PCBP3: variants seen among roughly 807,000 people sequenced by gnomAD.
PCBP3 encodes poly(rC) binding protein 3.
Under a neutral mutation model 52.7 loss-of-function variants are expected in PCBP3, and 25 were observed. That is an observed-to-expected ratio of 0.47 (90% CI 0.35 to 0.66). The LOEUF is 0.66. Ranked by LOEUF, PCBP3 falls within the 30% of genes least tolerant of loss-of-function variation. The pLI is 0.01. For missense variants in PCBP3, 391 were observed against 490.3 expected (o/e 0.80, Z 1.91); for synonymous variants, 162 against 183.0 (o/e 0.89, Z 0.93).
At chr21:45,922,331 A>C (rs1258512512) in intron 13 of PCBP3, among the ~76,000 whole-genome samples, 1 of 152,156 alleles carries the variant, frequency 6.6e-6, no homozygotes, top group Admixed American at 6.5e-5. Context: ...AGATGGGAGG[A>C]TTGCTTGAGC....
intron 4 of PCBP3, among the ~76,000 whole-genome samples, chr21:45,766,071 G>A (rs1169682860): frequency 6.6e-6 from 1 of 152,184 alleles, no homozygotes; most frequent in Non-Finnish European, 1.5e-5. Flanking sequence ...TGTCTCCTGT[G>A]GGACTGACGT....
intron 4 of PCBP3, among the ~76,000 whole-genome samples, chr21:45,787,736 C>T (rs1355982271): frequency 2.6e-5 from 4 of 152,288 alleles, no homozygotes; most frequent in Admixed American, 1.3e-4. Flanking sequence ...CTTGCTTCTC[C>T]GTCACTTTGC....
chr21:45,695,220 TG>T (rs2147862781), intron 2 of PCBP3, among the ~76,000 whole-genome samples: 1 of 152,350 alleles, frequency 6.6e-6, no homozygotes, highest in East Asian at 1.9e-4. Context: ...TTGTTGAAAT[TG>T]GTGCTGGACC....
chr21:45,861,651 C>A (rs1417299051), intron 5 of PCBP3, among the ~76,000 whole-genome samples: 2 of 152,202 alleles, frequency 1.3e-5, no homozygotes, highest in Non-Finnish European at 2.9e-5. Context: ...TTCATAAGCT[C>A]AGTGCTTGCA....
intron 4 of PCBP3, chr21:45,762,643 C>T (rs2088825496): frequency 6.6e-6 from 1 of 151,900 alleles, no homozygotes. Flanking sequence ...GCACACCCGG[C>T]TAACTTTTTT....
intron 4 of PCBP3, among the ~76,000 whole-genome samples, chr21:45,840,456 C>CAAAAAAAAA (rs36059363): frequency 1.1e-5 from 1 of 87,998 alleles, no homozygotes; most frequent in African/African-American, 4.8e-5. Flanking sequence ...GACCCTGTCT[C>CAAAAAAAAA]AAAAAAAAAA....
chr21:45,930,041 G>T (rs976579623), intron 14 of PCBP3, 46 bp downstream of exon 14: 1 of 1,377,428 alleles, frequency 7.3e-7, no homozygotes, highest in Non-Finnish European at 1.0e-6. Context: ...CTCACCTGGG[G>T]ACTTTCTCTT....
At chr21:45,753,760 G>A (rs1321764994) in intron 3 of PCBP3, among the ~76,000 whole-genome samples, 1 of 152,044 alleles carries the variant, frequency 6.6e-6, no homozygotes, top group Non-Finnish European at 1.5e-5. Context: ...GAATTAATTA[G>A]TACTCTGTCC....
chr21:45,903,760 C>A (rs1019031738), intron 9 of PCBP3, among the ~76,000 whole-genome samples: 2 of 152,212 alleles, frequency 1.3e-5, no homozygotes, highest in Non-Finnish European at 2.9e-5. Context: ...GTCAGGACAT[C>A]TGAGCAGACA....
intron 15 of PCBP3, among the ~76,000 whole-genome samples, chr21:45,931,050 C>T (rs1051262977): frequency 5.3e-5 from 8 of 152,224 alleles, no homozygotes; most frequent in African/African-American, 1.7e-4. Flanking sequence ...CAGAGCAGGG[C>T]ACCCCGGCCA....
intron 2 of PCBP3, among the ~76,000 whole-genome samples, chr21:45,720,191 G>T (rs1388037231): frequency 1.3e-5 from 2 of 152,092 alleles, no homozygotes; most frequent in Admixed American, 1.3e-4. Context: ...TCTACATCAG[G>T]TATTTCTCCT....
intron 5 of PCBP3, among the ~76,000 whole-genome samples, chr21:45,857,478 T>C (rs1182353346): frequency 1.3e-5 from 2 of 152,158 alleles, no homozygotes; most frequent in Non-Finnish European, 2.9e-5. Context: ...TGCAGAACCC[T>C]GAGCCAGCTG....
At chr21:45,787,634 C>T (rs955878081) in intron 4 of PCBP3, among the ~76,000 whole-genome samples, 1 of 152,158 alleles carries the variant, frequency 6.6e-6, no homozygotes, top group Non-Finnish European at 1.5e-5. Context: ...GCGAGTCCCC[C>T]TGCTTGGGCC....
At chr21:45,685,915 CTTTTTT>C in intron 2 of PCBP3, among the ~76,000 whole-genome samples, 1 of 125,432 alleles carries the variant, frequency 8.0e-6, no homozygotes, top group Non-Finnish European at 1.7e-5. Flanking sequence ...GTAAGATGAA[CTTTTTT>C]TTTTTTTTTT....
chr21:45,842,843 C>T (rs73380656), intron 4 of PCBP3, among the ~76,000 whole-genome samples: 10 of 152,128 alleles, frequency 6.6e-5, no homozygotes, highest in East Asian at 1.9e-4. Flanking sequence ...CCCCTCTGAC[C>T]GGGCAGGGTG....
rs115989274 is a variant in PCBP3, at chr21:45,824,288, G to A, written c.-125-25673G>A. Among the ~76,000 whole-genome samples the A allele has an allele frequency of 5.8e-3, 887 of 152,278 alleles. 8 individuals carry two copies. Among genetic ancestry groups the A allele is most frequent in the African/African-American group, 0.02 (832 of 41,544 alleles). ...GCAAGTCCCTTTCCAGAGCACATGT[G>A]CTTTTAGAACACTCCGAGTTTTGCT... On this transcript the variant is annotated intron_variant, in intron 4 of 17. Transcript: ENST00000681687.
chr21:45,694,555 T>G (rs544552837), intron 2 of PCBP3, among the ~76,000 whole-genome samples: 47 of 152,256 alleles, frequency 3.1e-4, no homozygotes, highest in African/African-American at 1.1e-3. Flanking sequence ...TAATATTGTC[T>G]CCTTAAAATA....
At chr21:45,911,483 C>G (rs2096393211) in intron 11 of PCBP3, among the ~76,000 whole-genome samples, 1 of 152,098 alleles carries the variant, frequency 6.6e-6, no homozygotes, top group Admixed American at 6.5e-5. Context: ...CGTGGAGGAA[C>G]AGAGGTCAAA....
intron 9 of PCBP3, among the ~76,000 whole-genome samples, chr21:45,908,831 C>T (rs1009787819): frequency 3.9e-4 from 59 of 152,248 alleles, no homozygotes; most frequent in African/African-American, 1.2e-3. Context: ...GGGCACAGGC[C>T]GCCCCCCACC....
Sources: allele counts gnomAD v4.1 joint callset (sites outside exome capture counted in the v4.1 genomes callset), GRCh38; gene constraint gnomAD v4.1.1; transcripts MANE v1.5; gene names NCBI Gene and HGNC (gene_info 2026-07-23, HGNC 2026-07-21).